ZNF732: variants seen among roughly 807,000 people sequenced by gnomAD.
ZNF732 encodes zinc finger protein 732, also known as zinc finger protein LOC654254.
ZNF732 carries 12 observed loss-of-function variants against 11.5 expected under a neutral mutation model. The observed-to-expected ratio is 1.05, with a 90% CI of 0.67 to 1.70. ZNF732 has a LOEUF of 1.70. Ranked by LOEUF, ZNF732 falls within the 40% of genes most tolerant of loss-of-function variation. The pLI, the probability that ZNF732 is intolerant of heterozygous loss-of-function variation, is 0.00. For missense variants in ZNF732, 702 were observed against 676.9 expected (o/e 1.04, Z -0.41); for synonymous variants, 231 against 236.5 (o/e 0.98, Z 0.21).
At chr4:272,796 C>G (rs1395876683) in intron 3 of ZNF732, among the ~76,000 whole-genome samples, 166 bp from the exon 4 acceptor site, 2 of 152,038 alleles carry the variant, frequency 1.3e-5, no homozygotes, top group African/African-American at 4.8e-5. Context: ...ATATACTGAT[C>G]AAAATGCCTT....
At chr4:290,026 A>T (rs1454509046) in intron 3 of ZNF732, among the ~76,000 whole-genome samples, 1 of 152,238 alleles carries the variant, frequency 6.6e-6, no homozygotes, top group Non-Finnish European at 1.5e-5. Flanking sequence ...CAAAATGAAA[A>T]TATCTTGTCA....
intron 3 of ZNF732, among the ~76,000 whole-genome samples, chr4:279,502 A>G (rs1719574419): frequency 6.6e-6 from 1 of 152,094 alleles, no homozygotes; most frequent in Admixed American, 6.5e-5. Flanking sequence ...ATAAGAATAT[A>G]AAAATCAGTC....
At chr4:279,673 T>C (rs997333822) in intron 3 of ZNF732, among the ~76,000 whole-genome samples, 8 of 152,204 alleles carry the variant, frequency 5.3e-5, no homozygotes, top group Non-Finnish European at 1.5e-5. Flanking sequence ...GGCTGTACAC[T>C]TGAAAACCTT....
intron 3 of ZNF732, among the ~76,000 whole-genome samples, chr4:291,947 A>G (rs782475991): frequency 6.6e-5 from 10 of 152,222 alleles, no homozygotes; most frequent in Non-Finnish European, 1.2e-4. Flanking sequence ...CAAGGGAACC[A>G]AGAACACACA....
chr4:281,884 C>A (rs1386454565), intron 3 of ZNF732, among the ~76,000 whole-genome samples: 2 of 152,068 alleles, frequency 1.3e-5, no homozygotes, highest in Non-Finnish European at 2.9e-5. Flanking sequence ...AAATGGCTAA[C>A]AGAGAATTTA....
chr4:293,822 TTAAATA>T (rs1287055178), intron 3 of ZNF732, among the ~76,000 whole-genome samples: 1 of 152,136 alleles, frequency 6.6e-6, no homozygotes, highest in Non-Finnish European at 1.5e-5. Flanking sequence ...ATTGTAAATA[TTAAATA>T]TAGTTATACT....
At chr4:278,454 A>C (rs1719546751) in intron 3 of ZNF732, among the ~76,000 whole-genome samples, 1 of 152,232 alleles carries the variant, frequency 6.6e-6, no homozygotes, top group Non-Finnish European at 1.5e-5. Flanking sequence ...AGATATTCTG[A>C]CACATCTTTG....
chr4:282,366 A>C (rs181294297), intron 3 of ZNF732, among the ~76,000 whole-genome samples: 2 of 152,248 alleles, frequency 1.3e-5, no homozygotes, highest in Admixed American at 6.5e-5. Context: ...ACATAAATAA[A>C]ATAAAATAAA....
At position 299,472 on chromosome 4, in the gene ZNF732, T is replaced by TATACACATATGTGTATATATATATATAC. The variant is rs1560165326; in HGVS notation, c.4-3318_4-3317insGTATATATATATATACACATATGTGTAT. Among the ~76,000 whole-genome samples the TATACACATATGTGTATATATATATATAC allele has an allele frequency of 9.9e-5, 8 of 80,948 alleles. 1 individual carries two copies. Among genetic ancestry groups the TATACACATATGTGTATATATATATATAC allele is most frequent in the African/African-American group, 3.5e-4 (7 of 20,068 alleles). 53.1% of individuals were successfully genotyped at this position (80,948 alleles called of 152,430 possible). ...ATATACACATATGTGTATATATATA[T>TATACACATATGTGTATATATATATATAC]ACACATATATACACATATGTGTGTA... On this transcript the variant is annotated intron_variant, in intron 1 of 3. Coordinates refer to ENST00000419098, the MANE Select transcript of ZNF732 (RefSeq NM_001137608.3).
chr4:298,644 G>C (rs781785025), intron 1 of ZNF732, among the ~76,000 whole-genome samples: 2 of 152,134 alleles, frequency 1.3e-5, no homozygotes, highest in African/African-American at 4.8e-5. Flanking sequence ...TATCCCCATA[G>C]TGATCCAGGC....
chr4:279,050 TTTC>T (rs1265378886), intron 3 of ZNF732, among the ~76,000 whole-genome samples: 1 of 152,146 alleles, frequency 6.6e-6, no homozygotes, highest in Non-Finnish European at 1.5e-5. Context: ...GTGTGTGTCT[TTTC>T]TTCTCCCCTC....
intron 3 of ZNF732, among the ~76,000 whole-genome samples, chr4:281,284 G>A (rs1719614704): frequency 6.6e-6 from 1 of 152,132 alleles, no homozygotes. Context: ...GAACACTTTG[G>A]TCTCAGCTGT....
chr4:273,058 A>G (rs1357126776), intron 3 of ZNF732, among the ~76,000 whole-genome samples: 2 of 152,088 alleles, frequency 1.3e-5, no homozygotes, highest in African/African-American at 4.8e-5. Context: ...GCCTCCAATA[A>G]CAAAGAGTGC....
intron 1 of ZNF732, among the ~76,000 whole-genome samples, chr4:296,913 A>G (rs1388343617): frequency 1.3e-5 from 2 of 152,198 alleles, no homozygotes; most frequent in Admixed American, 6.5e-5. Flanking sequence ...CATTCTCTGG[A>G]GGCCGTTTAA....
At chr4:291,800 C>T (rs1719847033) in intron 3 of ZNF732, among the ~76,000 whole-genome samples, 1 of 152,056 alleles carries the variant, frequency 6.6e-6, no homozygotes, top group Non-Finnish European at 1.5e-5. Flanking sequence ...GGGCATCATA[C>T]CTTCTAATTT....
chr4:271,275 T>C lies in ZNF732; in HGVS notation c.1582A>G (p.Lys528Glu). 1 of 1,582,938 alleles carries C rather than the reference T, an allele frequency of 6.3e-7. No individual in the cohort carries two copies. The highest frequency in any genetic ancestry group is 8.6e-7 in the Non-Finnish European group (1 of 1,163,478). ...CCACACTCTTCACATCTATAAGGTT[T>C]CTCTCCAGTATGAATTTTCTTATGT... is the stretch of plus-strand genomic sequence containing the variant. The part of the protein sequence containing the change: ...SKHKKIHTGE[K>E]PYRCEECGKA... The change falls in exon 4 of 4, where the codon AAA (lysine) becomes GAA (glutamate). Residue 528 changes from lysine to glutamate, a missense_variant. Coordinates refer to ENST00000419098, the MANE Select transcript of ZNF732 (RefSeq NM_001137608.3).
chr4:291,052 G>A (rs1011696461), intron 3 of ZNF732, among the ~76,000 whole-genome samples: 1 of 152,162 alleles, frequency 6.6e-6, no homozygotes, highest in Non-Finnish European at 1.5e-5. Flanking sequence ...ATTACCAAAT[G>A]TACCAGAACA....
chr4:295,669 T>A, intron 2 of ZNF732, 136 bp from the exon 3 acceptor site: 1 of 799,648 alleles, frequency 1.3e-6, no homozygotes, highest in Non-Finnish European at 1.9e-6. Flanking sequence ...GCAGAATCTT[T>A]AAAATATTTA....
In ZNF732 at chr4:295,047, T is replaced by G. The variant is rs190853730; in HGVS notation, c.226+391A>C. On this transcript the variant is annotated intron_variant, in intron 3 of 3. Transcript: ENST00000419098. Reference sequence around the variant, plus strand: ...GGGATTTCTGAACCAAATTCCAATATGTCCACTACTCACCGTGCACATTTT... The same window carrying G: ...GGGATTTCTGAACCAAATTCCAATAGGTCCACTACTCACCGTGCACATTTT... 1.1e-4 allele frequency among the ~76,000 whole-genome samples: 17 copies of G among 152,290 alleles called. No homozygotes were observed. In the East Asian group the frequency reaches 3.3e-3, roughly 29 times the overall value.
Sources: gnomAD v4.1 joint callset for allele counts (sites outside exome capture counted in the v4.1 genomes callset) on GRCh38, gnomAD v4.1.1 for gene constraint, MANE v1.5 for transcripts, NCBI Gene and HGNC (gene_info 2026-07-23, HGNC 2026-07-21) for gene names.